NFATC3: variants seen among roughly 807,000 people sequenced by gnomAD.
NFATC3 encodes nuclear factor of activated T-cells, cytoplasmic 3.
In NFATC3, 46 loss-of-function variants were observed where a neutral mutation model predicts 98.6. The observed-to-expected ratio is 0.47, with a 90% CI of 0.37 to 0.60. The LOEUF (loss-of-function observed/expected upper bound fraction) is 0.60, where lower values mean the gene tolerates loss of function less well. Among genes scored for constraint, NFATC3 ranks in the 20% least tolerant of loss-of-function variants. The pLI, the probability that NFATC3 is intolerant of heterozygous loss-of-function variation, is 0.00. For synonymous variants in NFATC3, 512 were observed against 472.2 expected, an observed-to-expected ratio of 1.08 and a Z score of -1.09; for missense variants, 1,256 against 1,295.5, an observed-to-expected ratio of 0.97 and a Z score of 0.47.
In NFATC3 at chr16:68,122,810, G is replaced by T. The variant is rs762026957; in HGVS notation, c.927G>T (p.Thr309=). 3 of 1,614,102 alleles carry T rather than the reference G, an allele frequency of 1.9e-6. No homozygotes were observed. The highest frequency in any genetic ancestry group is 2.5e-6 in the Non-Finnish European group (3 of 1,180,048). ...HSPRGSVTED[T]WLNASVHGGS... ...CCAGGGGAAGTGTGACAGAAGATAC[G>T]TGGCTCAATGCTTCTGTCCATGGTG... is the stretch of plus-strand genomic sequence containing the variant. The change falls in exon 2 of 10, where the codon ACG becomes ACT. Residue 309 remains threonine, a synonymous_variant. Coordinates refer to ENST00000346183, the MANE Select transcript of NFATC3 (RefSeq NM_173165.3).
chr16:68,085,808 C>T (rs1451404908), intron 1 of NFATC3, 24 bp downstream of exon 1: 3 of 1,405,746 alleles, frequency 2.1e-6, no homozygotes, highest in Non-Finnish European at 2.8e-6. Flanking sequence ...CAGGCGGGAC[C>T]GTGGAGCGAC....
Position 68,222,289 on chromosome 16 carries a change from C to CCAAAAAAAA in NFATC3, c.3107-4061_3107-4060insCAAAAAAAA, listed in dbSNP as rs1372339245. On this transcript the variant is annotated intron_variant, in intron 9 of 9. Coordinates refer to ENST00000346183, the MANE Select transcript of NFATC3 (RefSeq NM_173165.3). ...GGGCAACAGAGTGAGACCCCATTGC[C>CCAAAAAAAA]AAAAAAAAAAAAAAAAAAAAAAAAA... 5.7e-4 allele frequency among the ~76,000 whole-genome samples: 15 copies of CCAAAAAAAA among 26,400 alleles called. 1 individual carries two copies. Among genetic ancestry groups the CCAAAAAAAA allele is most frequent in the African/African-American group, 1.3e-3 (14 of 10,734 alleles). 17.3% of individuals were successfully genotyped at this position (26,400 alleles called of 152,430 possible). A position where few individuals can be genotyped will look rare whatever the true frequency, so the allele number is the denominator to read the frequency against.
chr16:68,226,630 A>T lies in NFATC3; in HGVS notation c.*159A>T. ...TTCCTCCACCTCAGGCCTTGGGTAG[A>T]TTTGGCAAAAGAACAGGAGCAGCAT... On this transcript the variant is annotated 3_prime_UTR_variant, in exon 10 of 10. Coordinates refer to ENST00000346183, the MANE Select transcript of NFATC3 (RefSeq NM_173165.3). The T allele has an allele frequency of 2.5e-6, 2 of 801,484 alleles. No homozygotes were observed. Among genetic ancestry groups the T allele is most frequent in the Non-Finnish European group, 3.6e-6 (2 of 552,786 alleles). 49.6% of individuals were successfully genotyped at this position (801,484 alleles called of 1,614,324 possible).
chr16:68,225,472 T>C (rs984421567), intron 9 of NFATC3: 1 of 152,260 alleles, frequency 6.6e-6, no homozygotes, highest in African/African-American at 2.4e-5. Flanking sequence ...TGTTGTAGCA[T>C]GTATCAGAAC....
At position 68,145,133 on chromosome 16, in the gene NFATC3, CT is replaced by C. The variant is rs111691786; in HGVS notation, c.1402-12719del. Among the ~76,000 whole-genome samples the C allele has an allele frequency of 2.5e-3, 353 of 139,768 alleles. 1 individual carries two copies. Among genetic ancestry groups the C allele is most frequent in the Admixed American group, 4.0e-3 (55 of 13,824 alleles). 91.7% of individuals were successfully genotyped at this position (139,768 alleles called of 152,430 possible). On this transcript the variant is annotated intron_variant, in intron 3 of 9. Transcript: ENST00000346183. ...ACAACCAACTTTTCTTTCTCTCTCT[CT>C]TTTTTTTTTTTTTTTTGTGATAGGG...
At chr16:68,226,042 A>G (rs1357368436) in intron 9 of NFATC3, 1 of 204,372 alleles carries the variant, frequency 4.9e-6, no homozygotes, top group Non-Finnish European at 9.7e-6. Context: ...AAACTTTCTC[A>G]AAGAGATATG....
chr16:68,137,695 G>T (rs1467353030), intron 3 of NFATC3, among the ~76,000 whole-genome samples: 2 of 150,274 alleles, frequency 1.3e-5, no homozygotes, highest in South Asian at 2.1e-4. Context: ...CTCACTGCAA[G>T]CTCCGCCTCC....
intron 9 of NFATC3, among the ~76,000 whole-genome samples, chr16:68,222,307 A>G (rs1249303761): frequency 7.3e-6 from 1 of 136,464 alleles, no homozygotes; most frequent in Admixed American, 7.5e-5. Context: ...AAAAAAAAAA[A>G]AAAAAAAAAA....
At chr16:68,223,284 C>A (rs1261808141) in intron 9 of NFATC3, among the ~76,000 whole-genome samples, 1 of 152,142 alleles carries the variant, frequency 6.6e-6, no homozygotes. Flanking sequence ...GCCTGTAATC[C>A]CAGCACTGTG....
At chr16:68,175,837 C>T (rs760250676) in intron 6 of NFATC3, among the ~76,000 whole-genome samples, 18 of 151,886 alleles carry the variant, frequency 1.2e-4, no homozygotes, top group Non-Finnish European at 2.2e-4. Context: ...CTAGGATCTA[C>T]GCGCCAGTCA....
At chr16:68,156,265 A>G (rs1288942711) in intron 3 of NFATC3, among the ~76,000 whole-genome samples, 1 of 152,206 alleles carries the variant, frequency 6.6e-6, no homozygotes, top group Non-Finnish European at 1.5e-5. Context: ...CAGTGGGCTG[A>G]GATCGTGTCA....
chr16:68,178,760 C>T (rs1156893952), intron 6 of NFATC3, among the ~76,000 whole-genome samples: 1 of 152,146 alleles, frequency 6.6e-6, no homozygotes, highest in African/African-American at 2.4e-5. Flanking sequence ...TTCATCTGTG[C>T]ATGAATACAA....
At chr16:68,161,496 T>C (rs1044947359) in intron 4 of NFATC3, among the ~76,000 whole-genome samples, 1 of 152,194 alleles carries the variant, frequency 6.6e-6, no homozygotes, top group Non-Finnish European at 1.5e-5. Context: ...TTGATCACTA[T>C]TGCATGCGTG....
intron 1 of NFATC3, chr16:68,086,850 C>T (rs2151433246): frequency 1.1e-6 from 1 of 878,344 alleles, no homozygotes; most frequent in South Asian, 5.2e-5. Flanking sequence ...GTCTTTTTCA[C>T]TGTAGTACAT....
chr16:68,188,549 A>G (rs1049843653), intron 8 of NFATC3, among the ~76,000 whole-genome samples: 4 of 152,180 alleles, frequency 2.6e-5, no homozygotes, highest in Admixed American at 6.5e-5. Flanking sequence ...GCCACTCTAG[A>G]TGGGCAACCA....
Position 68,129,671 on chromosome 16 carries a change from C to CTTTT in NFATC3, c.1401+3080_1401+3083dup, listed in dbSNP as rs568596333. Among the ~76,000 whole-genome samples the CTTTT allele has an allele frequency of 3.6e-3, 459 of 127,816 alleles. 2 individuals are homozygous for CTTTT. Among genetic ancestry groups the CTTTT allele is most frequent in the Non-Finnish European group, 6.5e-3 (396 of 61,082 alleles). 83.9% of individuals were successfully genotyped at this position (127,816 alleles called of 152,430 possible). ...TCCCACCTTGCCCGCTGCTCCCCGC[C>CTTTT]TTTTTTTTTTTTTTTTTTTTTTAAG... On this transcript the variant is annotated intron_variant, in intron 3 of 9. Coordinates refer to ENST00000346183, the MANE Select transcript of NFATC3 (RefSeq NM_173165.3).
intron 9 of NFATC3, among the ~76,000 whole-genome samples, chr16:68,214,077 A>G (rs774075383): frequency 1.3e-5 from 2 of 152,180 alleles, no homozygotes; most frequent in Non-Finnish European, 2.9e-5. Context: ...ACCACTGAAA[A>G]CCATAATTGT....
chr16:68,102,228 T>C (rs1299131462), intron 1 of NFATC3, among the ~76,000 whole-genome samples: 1 of 151,444 alleles, frequency 6.6e-6, no homozygotes, highest in Non-Finnish European at 1.5e-5. Flanking sequence ...AAAAATTAGC[T>C]GGGTGTGGTG....
rs1687480993 is a variant in NFATC3, at chr16:68,190,798, T to C, written c.2129T>C (p.Ile710Thr). The change falls in exon 9 of 10, where the codon ATT (isoleucine) becomes ACT (threonine). Residue 710 changes from isoleucine (I) to threonine (T), a missense_variant. Transcript: ENST00000346183. ...ATGAAGCAAGAACACAGAGAAGAGA[T>C]TGATTTGTCTTCAGTTCCATCTTTG... Reference protein sequence around the residue: ...VLMKQEHREEIDLSSVPSLPV... With the variant: ...VLMKQEHREETDLSSVPSLPV... The C allele has an allele frequency of 1.2e-6, 2 of 1,609,776 alleles. No homozygotes were observed. Among genetic ancestry groups the C allele is most frequent in the Non-Finnish European group, 1.7e-6 (2 of 1,176,960 alleles).
Sources: allele counts gnomAD v4.1 joint callset (sites outside exome capture counted in the v4.1 genomes callset), GRCh38; gene constraint gnomAD v4.1.1; transcripts MANE v1.5; gene names NCBI Gene and HGNC (gene_info 2026-07-23, HGNC 2026-07-21).